The following FAT4 variants were observed in gnomAD, a reference collection of about 807,000 sequenced individuals.
The protein encoded by FAT4 is FAT atypical cadherin 4.
Under a neutral mutation model 303.9 loss-of-function variants are expected in FAT4, and 84 were observed. That is an observed-to-expected ratio of 0.28 (90% CI 0.23 to 0.33). The LOEUF (loss-of-function observed/expected upper bound fraction) is 0.33. Ranked by LOEUF, FAT4 falls within the 10% of genes least tolerant of loss-of-function variation. The probability of loss-of-function intolerance (pLI) is 1.00; values close to 1 mark genes in which losing one functional copy is unlikely to be tolerated. For synonymous variants in FAT4, 2,307 were observed against 2,298.8 expected, an observed-to-expected ratio of 1.00 and a Z score of -0.10; for missense variants, 6,005 against 6,146.8, an observed-to-expected ratio of 0.98 and a Z score of 0.77.
intron 12 of FAT4, among the ~76,000 whole-genome samples, chr4:125,471,837 G>A (rs917341196): frequency 1.6e-4 from 22 of 137,042 alleles, no homozygotes; most frequent in Non-Finnish European, 2.9e-4. Flanking sequence ...GGATCACGAG[G>A]TCAGGAGATC....
In FAT4 at chr4:125,320,271, C is replaced by G; in HGVS notation, c.3860C>G (p.Ala1287Gly). The G allele has an allele frequency of 6.2e-7, 1 of 1,614,156 alleles. No homozygotes were observed. Among genetic ancestry groups the G allele is most frequent in the Non-Finnish European group, 8.5e-7 (1 of 1,179,990 alleles). ...ATPAYSLVIQ[A>G]VDSGTIPLNS... ...CCTGCCTATTCCCTTGTAATTCAAG[C>G]AGTGGATTCAGGGACAATCCCCCTC... is the stretch of plus-strand genomic sequence containing the variant. Residue 1287 changes from alanine to glycine, a missense_variant, in exon 2 of 18, where the codon GCA becomes GGA. Ala to Gly is a moderately conservative substitution (Grantham distance 60). Transcript: ENST00000394329.
At chr4:125,341,134 T>C (rs1434851487) in intron 2 of FAT4, among the ~76,000 whole-genome samples, 1 of 152,152 alleles carries the variant, frequency 6.6e-6, no homozygotes, top group East Asian at 1.9e-4. Context: ...CAAACTTAAC[T>C]GATTAAACCT....
chr4:125,491,953 ATG>A lies in FAT4; in HGVS notation c.*190_*191del, dbSNP rs1727669287. ...ACTCACAACAACTCTTAATTTAAACATGTGTGGTTGAATTTATTTCCCTGCAT... is the reference window on the plus strand; with the variant it reads ...ACTCACAACAACTCTTAATTTAAACATGTGGTTGAATTTATTTCCCTGCAT... On this transcript the variant is annotated 3_prime_UTR_variant, in exon 18 of 18. Transcript: ENST00000394329. 21 of 587,244 alleles carry A rather than the reference ATG, an allele frequency of 3.6e-5. No individual in the cohort carries two copies. In the East Asian group the frequency reaches 6.2e-4, roughly 17 times the overall value. 36.4% of individuals were successfully genotyped at this position (587,244 alleles called of 1,614,324 possible).
At chr4:125,486,614 C>T (rs1727421542) in intron 16 of FAT4, among the ~76,000 whole-genome samples, 1 of 152,136 alleles carries the variant, frequency 6.6e-6, no homozygotes, top group Non-Finnish European at 1.5e-5. Context: ...ATGGTCTACT[C>T]AGGATACTGG....
chr4:125,382,116 G>T (rs907892372), intron 2 of FAT4, among the ~76,000 whole-genome samples: 1 of 152,110 alleles, frequency 6.6e-6, no homozygotes, highest in Non-Finnish European at 1.5e-5. Context: ...ATCCTTAAGG[G>T]TTGGAAACAA....
intron 7 of FAT4, among the ~76,000 whole-genome samples, chr4:125,425,147 A>G (rs1725045925): frequency 6.6e-6 from 1 of 152,204 alleles, no homozygotes; most frequent in Non-Finnish European, 1.5e-5. Flanking sequence ...TAGTGCTTGT[A>G]AGTTCCAGAA....
chr4:125,484,068 C>T (rs992075644), intron 16 of FAT4, among the ~76,000 whole-genome samples: 1 of 143,470 alleles, frequency 7.0e-6, no homozygotes, highest in Admixed American at 7.0e-5. Context: ...CATACACACA[C>T]ACACACACAC....
At position 125,351,187 on chromosome 4, in the gene FAT4, C is replaced by G. The variant is rs185303766; in HGVS notation, c.5175+29601C>G. Among the ~76,000 whole-genome samples the G allele has an allele frequency of 7.3e-5, 11 of 151,694 alleles. No individual in the cohort carries two copies. In the East Asian group the frequency reaches 2.1e-3, roughly 29 times the overall value. ...TAACTTACATTCAAATGCAATTGAT[C>G]ATATGATTTTCTAATTTTAGGATTA... On this transcript the variant is annotated intron_variant, in intron 2 of 17. Coordinates refer to ENST00000394329, the MANE Select transcript of FAT4 (RefSeq NM_001291303.3).
chr4:125,375,338 GTA>G (rs1240398903), intron 2 of FAT4, among the ~76,000 whole-genome samples: 1 of 152,156 alleles, frequency 6.6e-6, no homozygotes, highest in African/African-American at 2.4e-5. Flanking sequence ...TATTTCTAAT[GTA>G]TATGTTTGGC....
At chr4:125,468,904 A>C (rs1578680680) in intron 12 of FAT4, 85 bp downstream of exon 12, 10 of 1,366,038 alleles carry the variant, frequency 7.3e-6, no homozygotes, top group Non-Finnish European at 9.0e-6. Flanking sequence ...ATGTTAAATT[A>C]GGTTTATTCA....
chr4:125,439,547 G>C (rs1223152731), intron 8 of FAT4, among the ~76,000 whole-genome samples: 1 of 151,384 alleles, frequency 6.6e-6, no homozygotes, highest in Non-Finnish European at 1.5e-5. Context: ...CACCGTGTTA[G>C]CCAGGATGGT....
chr4:125,410,899 G>A (rs575117584), intron 5 of FAT4, among the ~76,000 whole-genome samples: 23 of 152,070 alleles, frequency 1.5e-4, no homozygotes, highest in Admixed American at 1.3e-3. Context: ...TTTTGAATAC[G>A]TTTATCAGTG....
chr4:125,477,202 C>A lies in FAT4; in HGVS notation c.12347C>A (p.Ser4116Tyr), dbSNP rs1560631602. ...AGAGTTACAGTTGGAGGTATCAGATCTCTAGAACCAATCCTTCAGAGAAGA... is the reference window on the plus strand; with the variant it reads ...AGAGTTACAGTTGGAGGTATCAGATATCTAGAACCAATCCTTCAGAGAAGA... ...PNRVTVGGIR[S>Y]LEPILQRRGH... Residue 4116 changes from serine (S) to tyrosine (Y), a missense_variant, in exon 14 of 18, where the codon TCT (serine) becomes TAT (tyrosine). Physicochemically the swap from Ser to Tyr is moderately radical, Grantham distance 144 (BLOSUM62 -2). Transcript: ENST00000394329. The A allele has an allele frequency of 6.6e-7, 1 of 1,508,642 alleles. No individual in the cohort carries two copies. The allele number at this position is 1,508,642 out of a possible 1,614,324, so 93.5% of individuals were successfully genotyped here.
intron 12 of FAT4, among the ~76,000 whole-genome samples, chr4:125,470,127 A>C (rs1726806770): frequency 6.6e-6 from 1 of 152,188 alleles, no homozygotes; most frequent in African/African-American, 2.4e-5. Context: ...GTGAGCAGTA[A>C]TATTTTGAAA....
intron 2 of FAT4, among the ~76,000 whole-genome samples, chr4:125,363,509 T>G (rs772446167): frequency 2.0e-5 from 3 of 151,804 alleles, no homozygotes; most frequent in Non-Finnish European, 4.4e-5. Flanking sequence ...ATATATATAT[T>G]TTTTTGAGAA....
chr4:125,416,473 G>A lies in FAT4; in HGVS notation c.6869G>A (p.Gly2290Glu). The A allele has an allele frequency of 6.2e-7, 1 of 1,613,558 alleles. No homozygotes were observed. Among genetic ancestry groups the A allele is most frequent in the Non-Finnish European group, 8.5e-7 (1 of 1,179,740 alleles). ...LQVVARDDDRGSNSKLSYVLF... is the reference protein window; with the variant it reads ...LQVVARDDDRESNSKLSYVLF... The stretch of plus-strand genomic sequence containing the variant: ...GTGGTGGCAAGAGATGATGATCGAG[G>A]ATCTAACAGCAAACTCTCATATGTT... Residue 2290 changes from glycine (G) to glutamate (E), a missense_variant, in exon 7 of 18, where the codon GGA becomes GAA. Transcript: ENST00000394329.
Position 125,320,699 on chromosome 4 carries a change from G to T in FAT4, c.4288G>T (p.Val1430Phe), listed in dbSNP as rs761625897. The change falls in exon 2 of 18, where the codon GTT becomes TTT. Residue 1430 changes from valine (V) to phenylalanine (F), a missense_variant. Val to Phe is a conservative substitution (Grantham distance 50). Coordinates refer to ENST00000394329, the MANE Select transcript of FAT4 (RefSeq NM_001291303.3). Reference protein sequence around the residue: ...FPPGDIFKSIVENIPIGTSVI... With the variant: ...FPPGDIFKSIFENIPIGTSVI... Reference sequence around the variant, plus strand: ...TCCTGGAGATATTTTCAAGTCTATTGTTGAGAACATTCCCATCGGTACATC... The same window carrying T: ...TCCTGGAGATATTTTCAAGTCTATTTTTGAGAACATTCCCATCGGTACATC... 1.2e-5 allele frequency: 19 copies of T among 1,614,066 alleles called. No homozygotes were observed. The highest frequency in any genetic ancestry group is 1.6e-5 in the Non-Finnish European group (19 of 1,179,922).
chr4:125,385,025 T>TATATATATATATATATATA (rs1491325760), intron 2 of FAT4, among the ~76,000 whole-genome samples: 1 of 52,656 alleles, frequency 1.9e-5, no homozygotes, highest in Non-Finnish European at 4.0e-5. Context: ...TATATATATA[T>TATATATATATATATATATA]TTTTTTTTTT....
intron 2 of FAT4, among the ~76,000 whole-genome samples, chr4:125,393,054 A>T (rs904966328): frequency 6.6e-6 from 1 of 152,240 alleles, no homozygotes; most frequent in Non-Finnish European, 1.5e-5. Flanking sequence ...AAGTATTAGT[A>T]TGTTGACTTG....
Sources: gnomAD v4.1 joint callset for allele counts (sites outside exome capture counted in the v4.1 genomes callset) on GRCh38, gnomAD v4.1.1 for gene constraint, MANE v1.5 for transcripts, NCBI Gene and HGNC (gene_info 2026-07-23, HGNC 2026-07-21) for gene names.